Variants in UCHL3 observed in about 807,000 individuals in gnomAD.
UCHL3 encodes ubiquitin C-terminal hydrolase L3, also known as ubiquitin carboxyl-terminal hydrolase isozyme L3.
Under a neutral mutation model 35.8 loss-of-function variants are expected in UCHL3, and 22 were observed. The ratio of observed to expected loss-of-function variants is 0.61; its 90% CI spans 0.44 to 0.88. The LOEUF is 0.88. Ranked by LOEUF, UCHL3 falls within the 40% of genes least tolerant of loss-of-function variation. The probability of loss-of-function intolerance (pLI) is 0.00; values close to 1 mark genes in which losing one functional copy is unlikely to be tolerated. For synonymous variants in UCHL3, 90 were observed against 92.8 expected (o/e 0.97, Z 0.17); for missense variants, 229 against 276.9 (o/e 0.83, Z 1.23).
intron 3 of UCHL3, among the ~76,000 whole-genome samples, chr13:75,565,305 G>GT (rs1333095461): frequency 6.6e-6 from 1 of 152,064 alleles, no homozygotes; most frequent in Admixed American, 6.6e-5. Flanking sequence ...AACCTTTCCA[G>GT]TTTTTTATCA....
At chr13:75,553,245 C>A (rs746551857) in intron 2 of UCHL3, among the ~76,000 whole-genome samples, 14 of 152,192 alleles carry the variant, frequency 9.2e-5, no homozygotes, top group Non-Finnish European at 2.1e-4. Flanking sequence ...TGTAAACTTT[C>A]CACAAAGAAT....
intron 6 of UCHL3, among the ~76,000 whole-genome samples, chr13:75,577,991 G>T (rs936385241): frequency 6.6e-6 from 1 of 151,958 alleles, no homozygotes; most frequent in Non-Finnish European, 1.5e-5. Flanking sequence ...TAATAATAAT[G>T]AAAAATAACA....
intron 2 of UCHL3, among the ~76,000 whole-genome samples, chr13:75,552,677 T>G (rs932313657): frequency 5.9e-5 from 9 of 152,194 alleles, no homozygotes; most frequent in African/African-American, 2.2e-4. Flanking sequence ...ATCAAAAAAA[T>G]TATTTAAACA....
chr13:75,557,950 A>G (rs2031347233), intron 2 of UCHL3, among the ~76,000 whole-genome samples: 1 of 139,550 alleles, frequency 7.2e-6, no homozygotes. Flanking sequence ...TAAAAGTAGG[A>G]CATTTTAATG....
At chr13:75,597,270 G>A (rs1033200653) in intron 7 of UCHL3, among the ~76,000 whole-genome samples, 1 of 152,110 alleles carries the variant, frequency 6.6e-6, no homozygotes, top group African/African-American at 2.4e-5. Flanking sequence ...GCTGAAGCAC[G>A]ATTGCCTGAG....
At chr13:75,568,198 A>G (rs1471366392) in intron 5 of UCHL3, among the ~76,000 whole-genome samples, 1 of 152,118 alleles carries the variant, frequency 6.6e-6, no homozygotes, top group Admixed American at 6.5e-5. Flanking sequence ...CCTTTTAATA[A>G]CATTATTAAA....
intron 6 of UCHL3, among the ~76,000 whole-genome samples, chr13:75,594,489 GA>G (rs1566229115): frequency 6.6e-6 from 1 of 152,122 alleles, no homozygotes; most frequent in East Asian, 1.9e-4. Flanking sequence ...AATTTAACTC[GA>G]AAAGAGTTTC....
chr13:75,596,006 A>G (rs1222335881), intron 7 of UCHL3, among the ~76,000 whole-genome samples: 10 of 152,162 alleles, frequency 6.6e-5, no homozygotes, highest in African/African-American at 2.4e-4. Flanking sequence ...GTAATTCTAG[A>G]TACCGTGAGT....
intron 6 of UCHL3, among the ~76,000 whole-genome samples, chr13:75,588,758 G>A (rs189515388): frequency 8.3e-4 from 126 of 151,982 alleles, no homozygotes; most frequent in South Asian, 4.2e-3. Context: ...TGGTTGTTAC[G>A]GTTAGCAAAA....
intron 7 of UCHL3, among the ~76,000 whole-genome samples, chr13:75,600,976 A>ACTC (rs2032769475): frequency 6.6e-6 from 1 of 152,220 alleles, no homozygotes; most frequent in Non-Finnish European, 1.5e-5. Context: ...AGTTGGTTCC[A>ACTC]ATCCTCATGG....
chr13:75,576,587 C>G (rs974111736), intron 6 of UCHL3, among the ~76,000 whole-genome samples: 2 of 152,168 alleles, frequency 1.3e-5, no homozygotes, highest in Non-Finnish European at 1.5e-5. Flanking sequence ...ATCTCCTGAC[C>G]TCGTGATCCA....
chr13:75,563,502 T>C (rs1360216000), intron 3 of UCHL3, among the ~76,000 whole-genome samples: 1 of 152,192 alleles, frequency 6.6e-6, no homozygotes, highest in African/African-American at 2.4e-5. Flanking sequence ...TTTTTAAAAA[T>C]AAATTTTATT....
intron 7 of UCHL3, chr13:75,604,477 T>A (rs1265101466): frequency 7.5e-6 from 2 of 265,530 alleles, no homozygotes; most frequent in African/African-American, 2.2e-5. Context: ...TGATAATTTT[T>A]AAAAAACTGA....
intron 7 of UCHL3, among the ~76,000 whole-genome samples, chr13:75,603,185 T>C (rs2032825662): frequency 6.6e-6 from 1 of 152,142 alleles, no homozygotes; most frequent in Non-Finnish European, 1.5e-5. Context: ...AGGTGGGGTC[T>C]CACTGTATTG....
intron 7 of UCHL3, among the ~76,000 whole-genome samples, chr13:75,600,629 A>T (rs959033190): frequency 6.6e-6 from 1 of 152,226 alleles, no homozygotes; most frequent in East Asian, 1.9e-4. Context: ...TGCTCAGAAA[A>T]AGATTCCTTT....
At chr13:75,583,237 A>G (rs1159119263) in intron 6 of UCHL3, among the ~76,000 whole-genome samples, 4 of 152,206 alleles carry the variant, frequency 2.6e-5, no homozygotes, top group African/African-American at 9.6e-5. Context: ...CAATTACAAT[A>G]TATTGATATG....
At chr13:75,552,779 A>G (rs563005600) in intron 2 of UCHL3, among the ~76,000 whole-genome samples, 3 of 152,254 alleles carry the variant, frequency 2.0e-5, no homozygotes, top group African/African-American at 7.2e-5. Context: ...AAGAATTACA[A>G]CATTTATAGA....
At chr13:75,556,734 G>C (rs1357156972) in intron 2 of UCHL3, among the ~76,000 whole-genome samples, 1 of 152,192 alleles carries the variant, frequency 6.6e-6, no homozygotes, top group Admixed American at 6.5e-5. Flanking sequence ...GTTATAGACA[G>C]TTTGAAAACT....
chr13:75,557,496 T>G (rs2031332728), intron 2 of UCHL3, among the ~76,000 whole-genome samples: 1 of 152,210 alleles, frequency 6.6e-6, no homozygotes, highest in South Asian at 2.1e-4. Context: ...AGTCAGAGGT[T>G]TTTTTGGTTA....
Sources: gnomAD v4.1 joint callset for allele counts (sites outside exome capture counted in the v4.1 genomes callset) on GRCh38, gnomAD v4.1.1 for gene constraint, MANE v1.5 for transcripts, NCBI Gene and HGNC (gene_info 2026-07-23, HGNC 2026-07-21) for gene names.